The following UBE2R2 variants were observed in gnomAD, a reference collection of about 807,000 sequenced individuals.
The protein encoded by UBE2R2 is ubiquitin-conjugating enzyme E2 R2.
Under a neutral mutation model 27.8 loss-of-function variants are expected in UBE2R2, and 1 was observed. The observed-to-expected ratio is 0.04, with a 90% CI of 0.01 to 0.17. The LOEUF (loss-of-function observed/expected upper bound fraction) is 0.17, where lower values mean the gene tolerates loss of function less well. Among genes scored for constraint, UBE2R2 ranks in the 10% least tolerant of loss-of-function variants. The pLI, the probability that UBE2R2 is intolerant of heterozygous loss-of-function variation, is 1.00. For synonymous variants in UBE2R2, 106 were observed against 113.3 expected, an observed-to-expected ratio of 0.94 and a Z score of 0.41; for missense variants, 100 against 291.0, an observed-to-expected ratio of 0.34 and a Z score of 4.78.
chr9:33,836,772 T>C (rs560374013), intron 1 of UBE2R2, among the ~76,000 whole-genome samples: 1 of 150,524 alleles, frequency 6.6e-6, no homozygotes, highest in Non-Finnish European at 1.5e-5. Flanking sequence ...AAAAAAAATA[T>C]ATATATATAT....
intron 1 of UBE2R2, among the ~76,000 whole-genome samples, chr9:33,856,267 A>G (rs1411120482): frequency 6.6e-6 from 1 of 152,086 alleles, no homozygotes; most frequent in East Asian, 1.9e-4. Context: ...GAAGTTTTTT[A>G]TTTACTTGTA....
At chr9:33,864,516 A>G (rs552741715) in intron 1 of UBE2R2, among the ~76,000 whole-genome samples, 2 of 151,980 alleles carry the variant, frequency 1.3e-5, no homozygotes, top group East Asian at 3.9e-4. Context: ...AACCTTTTCA[A>G]CTCTTCTGGA....
At chr9:33,894,260 C>G (rs1022333078) in intron 2 of UBE2R2, among the ~76,000 whole-genome samples, 4 of 151,832 alleles carry the variant, frequency 2.6e-5, no homozygotes, top group African/African-American at 9.7e-5. Context: ...AGCAAGATCC[C>G]CATCTCTATA....
chr9:33,901,279 G>T (rs1464597215), intron 3 of UBE2R2, among the ~76,000 whole-genome samples: 1 of 152,206 alleles, frequency 6.6e-6, no homozygotes, highest in Non-Finnish European at 1.5e-5. Flanking sequence ...GACCAGAGAA[G>T]TAATGTGCCA....
chr9:33,823,718 CAG>C (rs1424993258), intron 1 of UBE2R2, among the ~76,000 whole-genome samples: 1 of 152,132 alleles, frequency 6.6e-6, no homozygotes, highest in Non-Finnish European at 1.5e-5. Context: ...CTTTTTGAGA[CAG>C]GGATTCTTTT....
chr9:33,863,773 C>T (rs373070653), intron 1 of UBE2R2, among the ~76,000 whole-genome samples: 3 of 151,924 alleles, frequency 2.0e-5, no homozygotes, highest in Admixed American at 1.3e-4. Flanking sequence ...CTGCATCCTC[C>T]GCCTCTCGGA....
Position 33,919,337 on chromosome 9 carries a change from T to TTGGTC in UBE2R2, c.*2102_*2106dup, listed in dbSNP as rs1384481555. On this transcript the variant is annotated 3_prime_UTR_variant, in exon 5 of 5. Coordinates refer to ENST00000263228, the MANE Select transcript of UBE2R2 (RefSeq NM_017811.4). ...CCCATGCAAGTTTACAGCCAGTAGC[T>TTGGTC]TGGTCTTATTCTCTTGGAGCCCTAA... is the stretch of plus-strand genomic sequence containing the variant. 1 of 152,018 alleles carries TTGGTC rather than the reference T, an allele frequency of 6.6e-6. No homozygotes were observed. The highest frequency in any genetic ancestry group is 2.4e-5 in the African/African-American group (1 of 41,366). The allele number at this position is 152,018 out of a possible 1,614,324, so 9.4% of individuals were successfully genotyped here.
chr9:33,890,275 A>G (rs1391863071), intron 2 of UBE2R2, among the ~76,000 whole-genome samples: 1 of 152,076 alleles, frequency 6.6e-6, no homozygotes, highest in Admixed American at 6.6e-5. Flanking sequence ...TTTTTCACAC[A>G]CAAATGTTTT....
chr9:33,828,377 G>A (rs573333345), intron 1 of UBE2R2, among the ~76,000 whole-genome samples: 4 of 146,308 alleles, frequency 2.7e-5, no homozygotes, highest in Admixed American at 1.4e-4. Context: ...GATGACTTCA[G>A]TTTTTGTCTC....
chr9:33,841,105 C>G (rs548834897), intron 1 of UBE2R2, among the ~76,000 whole-genome samples: 8 of 150,216 alleles, frequency 5.3e-5, no homozygotes, highest in African/African-American at 2.0e-4. Context: ...TTTTTTGAGA[C>G]GAAGTCTTGC....
chr9:33,843,671 G>C (rs777777908), intron 1 of UBE2R2, among the ~76,000 whole-genome samples: 2 of 151,946 alleles, frequency 1.3e-5, no homozygotes, highest in Non-Finnish European at 2.9e-5. Context: ...TAGAGATGGG[G>C]TTTCACCATG....
intron 1 of UBE2R2, among the ~76,000 whole-genome samples, chr9:33,834,970 AAG>A (rs1408998199): frequency 6.6e-6 from 1 of 151,966 alleles, no homozygotes. Flanking sequence ...CAAATAGAAA[AAG>A]AGAGAAATTA....
At chr9:33,866,834 A>G (rs994597560) in intron 1 of UBE2R2, among the ~76,000 whole-genome samples, 6 of 152,176 alleles carry the variant, frequency 3.9e-5, no homozygotes, top group African/African-American at 1.4e-4. Context: ...TATACTGTGC[A>G]TATTAAATCA....
chr9:33,910,525 C>T (rs999217742), intron 3 of UBE2R2, among the ~76,000 whole-genome samples: 2 of 152,040 alleles, frequency 1.3e-5, no homozygotes, highest in South Asian at 2.1e-4. Flanking sequence ...GAAAATTGGC[C>T]GTTTGTAACA....
At chr9:33,841,652 G>A (rs1370233030) in intron 1 of UBE2R2, among the ~76,000 whole-genome samples, 4 of 152,088 alleles carry the variant, frequency 2.6e-5, no homozygotes, top group Non-Finnish European at 5.9e-5. Flanking sequence ...TGATATATAT[G>A]TATATGTGTA....
At chr9:33,898,225 A>C (rs1359612399) in intron 2 of UBE2R2, among the ~76,000 whole-genome samples, 3 of 151,864 alleles carry the variant, frequency 2.0e-5, no homozygotes, top group Admixed American at 2.0e-4. Context: ...AGCTGCGATT[A>C]CAGGTGCCAC....
At chr9:33,883,373 T>C (rs2130792561) in intron 1 of UBE2R2, among the ~76,000 whole-genome samples, 1 of 152,256 alleles carries the variant, frequency 6.6e-6, no homozygotes, top group Middle Eastern at 3.4e-3. Flanking sequence ...CCTATACTCC[T>C]GATGAATCAG....
At chr9:33,897,775 C>CTTTTTTTT (rs35277355) in intron 2 of UBE2R2, among the ~76,000 whole-genome samples, 22 of 127,944 alleles carry the variant, frequency 1.7e-4, no homozygotes, top group Non-Finnish European at 1.8e-4. Flanking sequence ...TTTCTTTTTT[C>CTTTTTTTT]TTTTTTTTTT....
chr9:33,909,619 CCAT>C (rs1425287007), intron 3 of UBE2R2, among the ~76,000 whole-genome samples: 1 of 152,168 alleles, frequency 6.6e-6, no homozygotes, highest in Non-Finnish European at 1.5e-5. Context: ...CGGGGTTTCA[CCAT>C]GTTAGCCAGG....
Sources: gnomAD v4.1 joint callset for allele counts (sites outside exome capture counted in the v4.1 genomes callset) on GRCh38, gnomAD v4.1.1 for gene constraint, MANE v1.5 for transcripts, NCBI Gene and HGNC (gene_info 2026-07-23, HGNC 2026-07-21) for gene names.